The following PACRG variants were observed in gnomAD, a reference collection of about 807,000 sequenced individuals.
PACRG encodes the protein parkin coregulated.
PACRG carries 29 observed loss-of-function variants against 29.7 expected under a neutral mutation model. The ratio of observed to expected loss-of-function variants is 0.98; its 90% CI spans 0.73 to 1.33. The LOEUF is 1.33. Among genes scored for constraint, PACRG ranks in the 40% most tolerant of loss-of-function variants. PACRG has a pLI of 0.00. For synonymous variants in PACRG, 116 were observed against 118.7 expected, an observed-to-expected ratio of 0.98 and a Z score of 0.15; for missense variants, 279 against 316.2, an observed-to-expected ratio of 0.88 and a Z score of 0.89.
intron 4 of PACRG, among the ~76,000 whole-genome samples, chr6:163,160,139 A>G (rs1422308463): frequency 6.6e-6 from 1 of 152,256 alleles, no homozygotes; most frequent in Non-Finnish European, 1.5e-5. Flanking sequence ...AGTCCAAGAC[A>G]TGGATTCATT....
chr6:163,079,418 A>AAAAAAAAAG (rs1554353619), intron 3 of PACRG, among the ~76,000 whole-genome samples: 2 of 151,652 alleles, frequency 1.3e-5, no homozygotes, highest in East Asian at 3.9e-4. Context: ...AAAAAAAAAA[A>AAAAAAAAAG]AAAGAAAGAA....
In PACRG at chr6:162,853,360, G is replaced by A. The variant is rs1179319168; in HGVS notation, c.291+39079G>A. Among the ~76,000 whole-genome samples the A allele has an allele frequency of 1.4e-5, 2 of 139,122 alleles. No individual in the cohort carries two copies. The highest frequency in any genetic ancestry group is 3.4e-5 in the African/African-American group (1 of 29,584). The allele number at this position is 139,122 out of a possible 152,430, so 91.3% of individuals were successfully genotyped here. Reference sequence around the variant, plus strand: ...TCTTTTGCTTTTCTTTGCAATACCTGGTTGAACCACTGACTTACCGTACGT... The same window carrying A: ...TCTTTTGCTTTTCTTTGCAATACCTAGTTGAACCACTGACTTACCGTACGT... On this transcript the variant is annotated intron_variant, in intron 2 of 4. Transcript: ENST00000366888. The surrounding 1 kb of genome is among the most constrained non-coding windows in gnomAD (Gnocchi z 4.7).
intron 1 of PACRG, among the ~76,000 whole-genome samples, chr6:162,783,341 C>G (rs1431469506): frequency 1.3e-5 from 2 of 151,868 alleles, no homozygotes; most frequent in Non-Finnish European, 2.9e-5. Flanking sequence ...TAACCATTGA[C>G]TGAAAAAATG....
At chr6:163,176,466 C>T (rs1355006928) in intron 4 of PACRG, among the ~76,000 whole-genome samples, 1 of 152,162 alleles carries the variant, frequency 6.6e-6, no homozygotes, top group African/African-American at 2.4e-5. Flanking sequence ...GACTCTTTTG[C>T]TTTTGATTAT....
chr6:162,773,700 A>G (rs1783420737), intron 1 of PACRG, among the ~76,000 whole-genome samples: 2 of 151,674 alleles, frequency 1.3e-5, no homozygotes, highest in South Asian at 4.2e-4. Context: ...TATTTTTAGT[A>G]GAGACGGGGT....
At chr6:163,223,392 C>T (rs1781663941) in intron 4 of PACRG, among the ~76,000 whole-genome samples, 1 of 151,950 alleles carries the variant, frequency 6.6e-6, no homozygotes, top group Non-Finnish European at 1.5e-5. Flanking sequence ...GAAACTCCAT[C>T]TCAAAAATGA....
chr6:162,734,919 C>T (rs556962992), intron 1 of PACRG, among the ~76,000 whole-genome samples: 2 of 152,324 alleles, frequency 1.3e-5, no homozygotes, highest in East Asian at 1.9e-4. Context: ...CACATGCTAA[C>T]CTTCTTCTGA....
chr6:163,287,439 C>T (rs1206814556), intron 4 of PACRG, among the ~76,000 whole-genome samples: 1 of 152,228 alleles, frequency 6.6e-6, no homozygotes, highest in African/African-American at 2.4e-5. Flanking sequence ...TTTGTCCCCA[C>T]AGGCCGCACA....
At chr6:163,135,513 T>C (rs886135625) in intron 4 of PACRG, among the ~76,000 whole-genome samples, 2 of 152,224 alleles carry the variant, frequency 1.3e-5, no homozygotes, top group Non-Finnish European at 2.9e-5. Context: ...AATAACTAAC[T>C]AGTGTAATTG....
chr6:162,925,276 A>G lies in PACRG; in HGVS notation c.291+110995A>G, dbSNP rs571408890. On this transcript the variant is annotated intron_variant, in intron 2 of 4. Transcript: ENST00000366888. Reference sequence around the variant, plus strand: ...ACCATTCCTTCTGAAAATATTCCAAACAACTGAAAAGGAGGGACTTCTCCC... The same window carrying G: ...ACCATTCCTTCTGAAAATATTCCAAGCAACTGAAAAGGAGGGACTTCTCCC... Among the ~76,000 whole-genome samples, 6 of 152,234 alleles carry G rather than the reference A, an allele frequency of 3.9e-5. 1 individual carries two copies. The East Asian group carries it at 7.7e-4, about 20-fold the overall frequency.
At chr6:163,116,587 T>G (rs1264998469) in intron 4 of PACRG, among the ~76,000 whole-genome samples, 1 of 151,470 alleles carries the variant, frequency 6.6e-6, no homozygotes, top group Non-Finnish European at 1.5e-5. Flanking sequence ...ATGACGGAAA[T>G]GAAAATGTTA....
At chr6:162,925,323 T>A (rs965091301) in intron 2 of PACRG, among the ~76,000 whole-genome samples, 1 of 152,094 alleles carries the variant, frequency 6.6e-6, no homozygotes, top group Non-Finnish European at 1.5e-5. Context: ...ATGAGGCCAG[T>A]ATCATCCTGA....
intron 1 of PACRG, among the ~76,000 whole-genome samples, chr6:162,734,286 A>G (rs971092156): frequency 6.6e-6 from 1 of 152,162 alleles, no homozygotes; most frequent in Non-Finnish European, 1.5e-5. Flanking sequence ...AGATGATGAG[A>G]AAAAATTCAG....
At chr6:163,090,779 T>A (rs1814034675) in intron 4 of PACRG, among the ~76,000 whole-genome samples, 1 of 152,154 alleles carries the variant, frequency 6.6e-6, no homozygotes, top group South Asian at 2.1e-4. Context: ...GAGATAGAGA[T>A]AAAGATGTTC....
chr6:162,947,494 C>CTCATATATATATAATCTATATATATAA (rs1562766567), intron 2 of PACRG, among the ~76,000 whole-genome samples: 1 of 113,844 alleles, frequency 8.8e-6, no homozygotes, highest in Non-Finnish European at 1.7e-5. Context: ...CATATATATA[C>CTCATATATATATAATCTATATATATAA]TCATATATAT....
At chr6:162,995,462 G>A (rs958967877) in intron 2 of PACRG, among the ~76,000 whole-genome samples, 5 of 152,234 alleles carry the variant, frequency 3.3e-5, no homozygotes, top group East Asian at 3.9e-4. Flanking sequence ...TTTTTAAGCC[G>A]GTCTGAAAAG....
intron 4 of PACRG, among the ~76,000 whole-genome samples, chr6:163,227,172 G>A (rs543394492): frequency 2.6e-5 from 4 of 152,290 alleles, no homozygotes; most frequent in Non-Finnish European, 4.4e-5. Context: ...TGTACAGGAA[G>A]CATTGTGCTG....
chr6:163,283,482 T>C (rs962297913), intron 4 of PACRG, among the ~76,000 whole-genome samples: 1 of 152,224 alleles, frequency 6.6e-6, no homozygotes, highest in African/African-American at 2.4e-5. Flanking sequence ...TATGGATAAA[T>C]CAATGTGTTA....
intron 4 of PACRG, among the ~76,000 whole-genome samples, chr6:163,279,237 A>G (rs1784150232): frequency 6.6e-6 from 1 of 152,080 alleles, no homozygotes; most frequent in Non-Finnish European, 1.5e-5. Context: ...AGCTTTTTGG[A>G]TGAGTCTTGG....
Sources: gnomAD v4.1 joint callset for allele counts (sites outside exome capture counted in the v4.1 genomes callset) on GRCh38, gnomAD v4.1.1 for gene constraint, Gnocchi (gnomAD v3.1) non-coding constraint, MANE v1.5 for transcripts, NCBI Gene and HGNC (gene_info 2026-07-23, HGNC 2026-07-21) for gene names.